Variants in RGS22 observed in about 807,000 individuals in gnomAD.
RGS22 encodes the protein regulator of G-protein signaling 22.
Under a neutral mutation model 172.9 loss-of-function variants are expected in RGS22, and 148 were observed. The ratio of observed to expected loss-of-function variants is 0.86; its 90% CI spans 0.75 to 0.98. The LOEUF (loss-of-function observed/expected upper bound fraction) is 0.98. Among genes scored for constraint, RGS22 ranks in the 50% least tolerant of loss-of-function variants. The pLI, the probability that RGS22 is intolerant of heterozygous loss-of-function variation, is 0.00. For synonymous variants in RGS22, 458 were observed against 480.2 expected (o/e 0.95, Z 0.60); for missense variants, 1,347 against 1,440.8 (o/e 0.93, Z 1.05).
intron 9 of RGS22, among the ~76,000 whole-genome samples, chr8:100,056,739 G>A (rs1403974202): frequency 1.3e-5 from 2 of 152,304 alleles, no homozygotes; most frequent in Admixed American, 1.3e-4. Flanking sequence ...TTCAGAGTAT[G>A]TACGGAAACT....
At chr8:100,058,237 T>C (rs1586161010) in intron 9 of RGS22, among the ~76,000 whole-genome samples, 1 of 148,132 alleles carries the variant, frequency 6.8e-6, no homozygotes, top group East Asian at 2.0e-4. Flanking sequence ...AATCTAAGAG[T>C]TATTGGCCTT....
At chr8:100,038,241 G>A (rs1233604139) in intron 14 of RGS22, among the ~76,000 whole-genome samples, 3 of 152,208 alleles carry the variant, frequency 2.0e-5, no homozygotes. Context: ...AAATAAGTCA[G>A]CTTGAGTCAC....
At chr8:100,036,988 G>C (rs1462775061) in intron 14 of RGS22, among the ~76,000 whole-genome samples, 1 of 152,128 alleles carries the variant, frequency 6.6e-6, no homozygotes, top group African/African-American at 2.4e-5. Flanking sequence ...CCCCTGAAGA[G>C]AGTCATATAT....
chr8:100,046,684 T>C (rs1820755896), intron 11 of RGS22, among the ~76,000 whole-genome samples: 1 of 150,792 alleles, frequency 6.6e-6, no homozygotes, highest in East Asian at 1.9e-4. Context: ...GTTAACAATG[T>C]AGTCAAGAAT....
At chr8:100,059,780 T>C (rs903765999) in intron 9 of RGS22, among the ~76,000 whole-genome samples, 3 of 152,174 alleles carry the variant, frequency 2.0e-5, no homozygotes, top group African/African-American at 7.2e-5. Context: ...AATGTCCTCA[T>C]TGTGATATTG....
intron 3 of RGS22, among the ~76,000 whole-genome samples, chr8:100,089,234 A>G (rs886637706): frequency 1.3e-4 from 19 of 151,594 alleles, no homozygotes; most frequent in African/African-American, 4.9e-5. Flanking sequence ...ACACACACAC[A>G]CGATATTCTC....
intron 14 of RGS22, among the ~76,000 whole-genome samples, chr8:100,028,572 G>T (rs1179378748): frequency 2.0e-5 from 3 of 151,944 alleles, no homozygotes; most frequent in Non-Finnish European, 4.4e-5. Flanking sequence ...CCATTATGTG[G>T]GCTTCATGTT....
At chr8:100,018,699 A>T (rs1438924335) in intron 14 of RGS22, among the ~76,000 whole-genome samples, 1 of 152,232 alleles carries the variant, frequency 6.6e-6, no homozygotes, top group African/African-American at 2.4e-5. Context: ...CAAACGATTT[A>T]AAATACGACA....
At chr8:100,027,806 G>A (rs1445217377) in intron 14 of RGS22, among the ~76,000 whole-genome samples, 1 of 152,014 alleles carries the variant, frequency 6.6e-6, no homozygotes, top group Non-Finnish European at 1.5e-5. Flanking sequence ...TTTAATTTAA[G>A]TTATATTGTA....
rs575408689 is a variant in RGS22 at position 99,971,666 on chromosome 8, C to T, written c.3520-6236G>A. ...ATAAAATACCTAGGAATACAACTTACAAGGGACCTGAAGGACATCTTCAAG... is the reference window on the plus strand; with the variant it reads ...ATAAAATACCTAGGAATACAACTTATAAGGGACCTGAAGGACATCTTCAAG... On this transcript the variant is annotated intron_variant, in intron 23 of 27. Coordinates refer to ENST00000360863, the MANE Select transcript of RGS22 (RefSeq NM_015668.5). 2.6e-5 allele frequency among the ~76,000 whole-genome samples: 4 copies of T among 152,258 alleles called. No individual in the cohort carries two copies. In the South Asian group the frequency reaches 8.3e-4, roughly 32 times the overall value.
rs1813228690 is a variant in RGS22 at position 99,987,505 on chromosome 8, A to C, written c.3133T>G (p.Leu1045Val). ...CAAAAGAGTAAACCATTTTCCAATA[A>C]ATCTCCTTTTAGAGCCACAAAACGT... ...FQRFVALKGD[L>V]LENGLLFWQE... The change falls in exon 21 of 28, where the codon TTA (leucine) becomes GTA (valine). Residue 1045 changes from leucine to valine, a missense_variant. Physicochemically the swap from Leu to Val is conservative, Grantham distance 32. Coordinates refer to ENST00000360863, the MANE Select transcript of RGS22 (RefSeq NM_015668.5). The C allele has an allele frequency of 6.2e-7, 1 of 1,611,638 alleles. No homozygotes were observed. The highest frequency in any genetic ancestry group is 1.7e-5 in the Admixed American group (1 of 59,866).
In RGS22 at chr8:100,008,370, G is replaced by A. The variant is rs369542303; in HGVS notation, c.2361+5C>T. 441 of 1,605,190 alleles carry A rather than the reference G, an allele frequency of 2.7e-4. No homozygotes were observed. Among genetic ancestry groups the A allele is most frequent in the Non-Finnish European group, 3.6e-4 (422 of 1,177,462 alleles). ...TTCACACTCAATTTATCGGTGGCAC[G>A]GTACCTTTTTATAAGCAATTTGGTC... On this transcript the variant is annotated splice_donor_5th_base_variant and intron_variant, in intron 15 of 27. Coordinates refer to ENST00000360863, the MANE Select transcript of RGS22 (RefSeq NM_015668.5).
At chr8:100,105,815 G>T in intron 1 of RGS22, 82 bp downstream of exon 1, 1 of 1,227,666 alleles carries the variant, frequency 8.1e-7, no homozygotes, top group Non-Finnish European at 1.1e-6. Flanking sequence ...TAGGAGGGCA[G>T]GAGGTAAAGT....
chr8:99,998,767 C>T (rs113775850), intron 19 of RGS22, among the ~76,000 whole-genome samples: 12 of 152,232 alleles, frequency 7.9e-5, no homozygotes, highest in African/African-American at 2.9e-4. Flanking sequence ...CCTCCTCCTT[C>T]AGCCTTCCAA....
intron 13 of RGS22, among the ~76,000 whole-genome samples, chr8:100,039,303 T>C (rs1049044281): frequency 4.6e-5 from 7 of 152,176 alleles, no homozygotes; most frequent in Non-Finnish European, 1.0e-4. Flanking sequence ...AGAGTAGCCA[T>C]GTATTTTGAT....
intron 23 of RGS22, among the ~76,000 whole-genome samples, chr8:99,974,575 G>A (rs373782611): frequency 9.3e-4 from 141 of 152,090 alleles, no homozygotes; most frequent in African/African-American, 3.3e-3. Flanking sequence ...CAAGGTGGGT[G>A]GATCATAAGG....
At chr8:100,031,809 T>C (rs1159856356) in intron 14 of RGS22, among the ~76,000 whole-genome samples, 1 of 151,876 alleles carries the variant, frequency 6.6e-6, no homozygotes, top group Non-Finnish European at 1.5e-5. Context: ...TCAAAAAAAC[T>C]GTAGAACTCT....
chr8:100,013,538 C>T (rs1472450088), intron 14 of RGS22, among the ~76,000 whole-genome samples: 1 of 152,166 alleles, frequency 6.6e-6, no homozygotes, highest in Non-Finnish European at 1.5e-5. Flanking sequence ...CTATGGTGGA[C>T]ACTTCATGAT....
rs975246493 is a variant in RGS22 at position 100,036,677 on chromosome 8, C to A, written c.2166+2254G>T. Among the ~76,000 whole-genome samples the A allele has an allele frequency of 3.9e-5, 6 of 152,288 alleles. No individual in the cohort carries two copies. In the East Asian group the frequency reaches 1.2e-3, roughly 29 times the overall value. ...GTGGTGGCGCAATCATAGCTTACTG[C>A]AGCCTTGAACTCCTGGGCTCAAGCG... is the stretch of plus-strand genomic sequence containing the variant. On this transcript the variant is annotated intron_variant, in intron 14 of 27. Transcript: ENST00000360863.
Sources: gnomAD v4.1 joint callset for allele counts (sites outside exome capture counted in the v4.1 genomes callset) on GRCh38, gnomAD v4.1.1 for gene constraint, MANE v1.5 for transcripts, NCBI Gene and HGNC (gene_info 2026-07-23, HGNC 2026-07-21) for gene names.